GLB1L3: variants seen among roughly 807,000 people sequenced by gnomAD.
The protein encoded by GLB1L3 is beta-galactosidase-1-like protein 3.
A neutral mutation model predicts 89.5 loss-of-function variants in GLB1L3; 89 were observed. The ratio of observed to expected loss-of-function variants is 0.99; its 90% confidence interval spans 0.84 to 1.19. The LOEUF is 1.19. Ranked by LOEUF, GLB1L3 falls within the 50% of genes most tolerant of loss-of-function variation. The pLI, the probability that GLB1L3 is intolerant of heterozygous loss-of-function variation, is 0.00. For synonymous variants in GLB1L3, 314 were observed against 312.3 expected (o/e 1.01, Z -0.06); for missense variants, 812 against 813.3 (o/e 1.00, Z 0.02).
intron 9 of GLB1L3, chr11:134,305,405 C>G (rs1942154773): frequency 2.5e-6 from 1 of 404,062 alleles, no homozygotes; most frequent in Non-Finnish European, 4.4e-6. Context: ...TTTTGAACCC[C>G]TGATAGACCT....
chr11:134,300,947 AGACTTGCCC>A (rs1330163530), intron 9 of GLB1L3, among the ~76,000 whole-genome samples: 1 of 152,168 alleles, frequency 6.6e-6, no homozygotes, highest in African/African-American at 2.4e-5. Flanking sequence ...CCTGCAACAG[AGACTTGCCC>A]GGGATTCTCC....
intron 9 of GLB1L3, among the ~76,000 whole-genome samples, chr11:134,306,704 C>T (rs116552606): frequency 0.014 from 2,115 of 152,344 alleles, 50 homozygotes; most frequent in African/African-American, 0.047. Context: ...ACAGAATCTA[C>T]GTTATTCAGC....
chr11:134,292,342 T>C, intron 8 of GLB1L3, 129 bp downstream of exon 8: 1 of 632,898 alleles, frequency 1.6e-6, no homozygotes, highest in Non-Finnish European at 2.8e-6. Flanking sequence ...GGATGGATCC[T>C]GGAGTTCGAT....
In GLB1L3 at chr11:134,308,475, T is replaced by TCACCACCACC. The variant is rs1565413930; in HGVS notation, c.962-1151_962-1150insCACCACCACC. On this transcript the variant is annotated intron_variant, in intron 10 of 19. Transcript: ENST00000431683. Reference sequence around the variant, plus strand: ...CACCACCACCACCACCACCACCAAATACCACCACCACCATCACCACCAAAT... The same window carrying TCACCACCACC: ...CACCACCACCACCACCACCACCAAATCACCACCACCACCACCACCACCATCACCACCAAAT... 2.9e-4 allele frequency among the ~76,000 whole-genome samples: 6 copies of TCACCACCACC among 20,386 alleles called. 1 individual carries two copies. The highest frequency in any genetic ancestry group is 5.6e-4 in the Non-Finnish European group (6 of 10,634). 13.4% of individuals were successfully genotyped at this position (20,386 alleles called of 152,430 possible).
chr11:134,308,452 C>CAT (rs1565413779), intron 10 of GLB1L3, among the ~76,000 whole-genome samples: 5 of 36,278 alleles, frequency 1.4e-4, no homozygotes, highest in Non-Finnish European at 2.6e-4. Context: ...ACCATCACCA[C>CAT]CACCACCACC....
rs752923070 is a variant in GLB1L3 at position 134,312,435 on chromosome 11, G to A, written c.1374G>A (p.Glu458=). The A allele has an allele frequency of 6.2e-7, 1 of 1,613,686 alleles. No homozygotes were observed. The highest frequency in any genetic ancestry group is 8.5e-7 in the Non-Finnish European group (1 of 1,179,890). Residue 458 remains glutamate (E), a synonymous_variant, in exon 14 of 20, where the codon GAG becomes GAA. Coordinates refer to ENST00000431683, the MANE Select transcript of GLB1L3 (RefSeq NM_001080407.3). ...AGTCCTACGGGCTTGTCCTGTATGA[G>A]AAGTCCATCTGCTCCGGAGGCCGCC... ...SGQSYGLVLY[E]KSICSGGRLR...
intron 18 of GLB1L3, among the ~76,000 whole-genome samples, chr11:134,317,771 C>T (rs559820021): frequency 1.8e-4 from 27 of 152,084 alleles, no homozygotes; most frequent in African/African-American, 5.5e-4. Context: ...AAAAATTTCC[C>T]GCTATGGTTG....
chr11:134,297,179 GATATAA>G (rs1172075792), intron 9 of GLB1L3, among the ~76,000 whole-genome samples: 1 of 152,006 alleles, frequency 6.6e-6, no homozygotes, highest in African/African-American at 2.4e-5. Context: ...ACTCTATTTT[GATATAA>G]ATATAGCAAC....
At position 134,277,913 on chromosome 11, in the gene GLB1L3, G is replaced by C; in HGVS notation, c.362+1G>C. On this transcript the variant is annotated splice_donor_variant, in intron 3 of 19. Coordinates refer to ENST00000431683, the MANE Select transcript of GLB1L3 (RefSeq NM_001080407.3). LOFTEE classifies it high-confidence loss of function. ...CCTGTGGCTTCAATACTGTCACCAC[G>C]TGAGTGCCGGCCCCTCACCTCCAGG... 6.2e-7 allele frequency: 1 copy of C among 1,613,552 alleles called. No homozygotes were observed.
chr11:134,296,348 A>G (rs1482807705), intron 9 of GLB1L3, among the ~76,000 whole-genome samples: 1 of 139,098 alleles, frequency 7.2e-6, no homozygotes, highest in Admixed American at 7.5e-5. Flanking sequence ...CTGGGTATAT[A>G]CCCAAAGGAC....
In GLB1L3 at chr11:134,313,436, G is replaced by A. The variant is rs546243868; in HGVS notation, c.1541G>A (p.Arg514Gln). ...AGGATCCTGGTGGAGAATCAAGGAC[G>A]AGTCAATTTTTCATGGCAAATACAG... ...YLRILVENQG[R>Q]VNFSWQIQNE... Residue 514 changes from arginine (R) to glutamine (Q), a missense_variant, in exon 16 of 20, where the codon CGA (arginine) becomes CAA (glutamine). This residue lies in a region of GLB1L3 where 618 missense variants were observed against 604.0 expected (regional missense o/e 1.02). Coordinates refer to ENST00000431683, the MANE Select transcript of GLB1L3 (RefSeq NM_001080407.3). 2.4e-5 allele frequency: 38 copies of A among 1,584,264 alleles called. No individual in the cohort carries two copies. In the South Asian group the frequency reaches 3.2e-4, roughly 14 times the overall value.
At chr11:134,317,419 A>G (rs751322675) in intron 18 of GLB1L3, among the ~76,000 whole-genome samples, 1 of 152,166 alleles carries the variant, frequency 6.6e-6, no homozygotes, top group Non-Finnish European at 1.5e-5. Flanking sequence ...AAAGAATTCA[A>G]ATATTTTCCA....
intron 17 of GLB1L3, 41 bp from the exon 18 acceptor site, chr11:134,314,289 A>T (rs1176730850): frequency 1.4e-6 from 2 of 1,388,406 alleles, no homozygotes; most frequent in East Asian, 5.0e-5. Flanking sequence ...CTGGGTTGGG[A>T]AGGGGACTTC....
rs1215987544 is a variant in GLB1L3, at chr11:134,280,562, C to T, written c.363-815C>T. ...CTTAGAGGGGTACTTTAAATCTTTT[C>T]ACTGTGATGGTAACTGATGTATCCA... On this transcript the variant is annotated intron_variant, in intron 3 of 19. Transcript: ENST00000431683. Among the ~76,000 whole-genome samples the T allele has an allele frequency of 3.3e-5, 5 of 152,166 alleles. No homozygotes were observed. In the East Asian group the frequency reaches 5.8e-4, roughly 18 times the overall value.
At chr11:134,318,070 A>G (rs1943055733) in intron 18 of GLB1L3, among the ~76,000 whole-genome samples, 2 of 152,258 alleles carry the variant, frequency 1.3e-5, no homozygotes, top group Admixed American at 6.5e-5. Context: ...TATGTAGCAT[A>G]TAACTACTTT....
At chr11:134,282,536 C>G (rs546312975) in intron 5 of GLB1L3, among the ~76,000 whole-genome samples, 1 of 152,172 alleles carries the variant, frequency 6.6e-6, no homozygotes, top group Non-Finnish European at 1.5e-5. Flanking sequence ...TCTGACGACT[C>G]GGCTTGTTTT....
intron 9 of GLB1L3, among the ~76,000 whole-genome samples, chr11:134,302,280 G>C (rs954434574): frequency 2.0e-5 from 3 of 152,190 alleles, no homozygotes; most frequent in African/African-American, 7.2e-5. Flanking sequence ...CATTTTCAGA[G>C]TGTAGGGCCA....
At chr11:134,289,475 A>G (rs1009979758) in intron 7 of GLB1L3, among the ~76,000 whole-genome samples, 3 of 152,158 alleles carry the variant, frequency 2.0e-5, no homozygotes, top group African/African-American at 7.2e-5. Context: ...TGTGTTGTTC[A>G]AGGTTCAACT....
chr11:134,278,802 A>T (rs887345456), intron 3 of GLB1L3, among the ~76,000 whole-genome samples: 3 of 152,194 alleles, frequency 2.0e-5, no homozygotes, highest in African/African-American at 7.2e-5. Flanking sequence ...AAAGAATTTA[A>T]TCAGAAATAA....
Sources: gnomAD v4.1 joint callset for allele counts (sites outside exome capture counted in the v4.1 genomes callset) on GRCh38, gnomAD v4.1.1 for gene constraint, gnomAD v4.1.1 regional missense constraint, MANE v1.5 for transcripts, NCBI Gene and HGNC (gene_info 2026-07-23, HGNC 2026-07-21) for gene names.